The following ADAM32 variants were observed in gnomAD, a reference collection of about 807,000 sequenced individuals.
The protein encoded by ADAM32 is disintegrin and metalloproteinase domain-containing protein 32.
ADAM32 carries 89 observed loss-of-function variants against 114.9 expected under a neutral mutation model. The ratio of observed to expected loss-of-function variants is 0.77; its 90% CI spans 0.65 to 0.92. ADAM32 has a LOEUF of 0.92. Ranked by LOEUF, ADAM32 falls within the 40% of genes least tolerant of loss-of-function variation. ADAM32 has a pLI of 0.00. For missense variants in ADAM32, 870 were observed against 932.8 expected (o/e 0.93, Z 0.88); for synonymous variants, 285 against 307.5 (o/e 0.93, Z 0.77).
chr8:39,194,858 A>G (rs1806857168), intron 11 of ADAM32, among the ~76,000 whole-genome samples: 1 of 152,062 alleles, frequency 6.6e-6, no homozygotes, highest in Non-Finnish European at 1.5e-5. Flanking sequence ...ATGCTCTACT[A>G]CTGACACTCC....
At chr8:39,130,652 A>C (rs1028788542) in intron 2 of ADAM32, among the ~76,000 whole-genome samples, 1 of 151,994 alleles carries the variant, frequency 6.6e-6, no homozygotes, top group Non-Finnish European at 1.5e-5. Flanking sequence ...TTTTTGATTC[A>C]TGGGTTATTT....
At chr8:39,116,175 TCTTG>T (rs1840365941) in intron 1 of ADAM32, among the ~76,000 whole-genome samples, 1 of 152,214 alleles carries the variant, frequency 6.6e-6, no homozygotes, top group African/African-American at 2.4e-5. Flanking sequence ...GTGTGAGACC[TCTTG>T]CTTTCTTCTT....
intron 13 of ADAM32, 63 bp downstream of exon 13, chr8:39,221,765 A>G: frequency 8.9e-7 from 1 of 1,124,172 alleles, no homozygotes; most frequent in Non-Finnish European, 1.3e-6. Flanking sequence ...GGTACTTTAC[A>G]ACACAGACCT....
In ADAM32 at chr8:39,233,938, T is replaced by C. The variant is rs1418456631; in HGVS notation, c.1674T>C (p.Thr558=). ...ICGRLVCTYP[T]RKPFHQENGD... ...GAAGATTAGTTTGTACCTACCCTAC[T>C]CGAAAGCCTTTCCATCAAGAAAATG... Residue 558 remains threonine, a synonymous_variant, in exon 16 of 25, where the codon ACT becomes ACC. Transcript: ENST00000379907. 1 of 1,590,848 alleles carries C rather than the reference T, an allele frequency of 6.3e-7. No individual in the cohort carries two copies. The highest frequency in any genetic ancestry group is 8.6e-7 in the Non-Finnish European group (1 of 1,167,860).
At chr8:39,231,169 C>T (rs1382733341) in intron 14 of ADAM32, among the ~76,000 whole-genome samples, 2 of 152,130 alleles carry the variant, frequency 1.3e-5, no homozygotes, top group Non-Finnish European at 2.9e-5. Flanking sequence ...GCTCTGAGTG[C>T]ACCTGAACTA....
intron 16 of ADAM32, among the ~76,000 whole-genome samples, chr8:39,244,962 C>T (rs1810808798): frequency 6.6e-6 from 1 of 152,034 alleles, no homozygotes; most frequent in Non-Finnish European, 1.5e-5. Flanking sequence ...AGTTCATGAA[C>T]AAGAACCCAA....
intron 14 of ADAM32, 103 bp downstream of exon 14, chr8:39,223,341 A>G (rs962327978): frequency 7.5e-6 from 5 of 663,866 alleles, no homozygotes; most frequent in Admixed American, 4.3e-5. Context: ...AATGTTTTAT[A>G]TAGTATAAAA....
intron 11 of ADAM32, among the ~76,000 whole-genome samples, chr8:39,204,468 G>A (rs1807675553): frequency 6.6e-6 from 1 of 152,164 alleles, no homozygotes; most frequent in Admixed American, 6.5e-5. Context: ...TCGTGCCATG[G>A]TTTTCAGCTC....
Position 39,233,760 on chromosome 8 carries a change from C to A in ADAM32, c.1635-139C>A, listed in dbSNP as rs146645614. 1.7e-5 allele frequency: 9 copies of A among 527,404 alleles called. No individual in the cohort carries two copies. In the East Asian group the frequency reaches 2.4e-4, roughly 14 times the overall value. The allele number at this position is 527,404 out of a possible 1,614,324, so 32.7% of individuals were successfully genotyped here. Reference sequence around the variant, plus strand: ...ACTTTTTTTACTTTTTACTTTGTTACCGTGAAAACATTAACGTTTTCTGTA... The same window carrying A: ...ACTTTTTTTACTTTTTACTTTGTTAACGTGAAAACATTAACGTTTTCTGTA... On this transcript the variant is annotated intron_variant, in intron 15 of 24. Transcript: ENST00000379907.
chr8:39,257,056 A>G (rs1052278789), intron 18 of ADAM32, 131 bp from the exon 19 acceptor site: 136 of 988,620 alleles, frequency 1.4e-4, no homozygotes, highest in Non-Finnish European at 1.1e-4. Flanking sequence ...TTACAATTCT[A>G]TAATGATTTT....
intron 9 of ADAM32, chr8:39,169,650 C>T (rs993165154): frequency 3.8e-6 from 1 of 261,218 alleles, no homozygotes; most frequent in African/African-American, 2.2e-5. Flanking sequence ...GCAAACATAG[C>T]CAGATGTGAT....
intron 14 of ADAM32, among the ~76,000 whole-genome samples, chr8:39,229,737 A>G (rs570000548): frequency 1.6e-4 from 25 of 152,302 alleles, no homozygotes; most frequent in African/African-American, 6.0e-4. Flanking sequence ...GATAGACAAC[A>G]ACATAATAAT....
chr8:39,162,684 A>C (rs1417794384), intron 7 of ADAM32, among the ~76,000 whole-genome samples: 2 of 151,032 alleles, frequency 1.3e-5, no homozygotes, highest in Non-Finnish European at 3.0e-5. Context: ...TTATGTTCTT[A>C]TACATTTTTA....
intron 16 of ADAM32, among the ~76,000 whole-genome samples, chr8:39,237,272 G>A (rs571307797): frequency 9.8e-5 from 15 of 152,322 alleles, no homozygotes; most frequent in African/African-American, 2.9e-4. Flanking sequence ...GGGGAGGACA[G>A]CCAGTGGAAT....
intron 17 of ADAM32, among the ~76,000 whole-genome samples, chr8:39,250,735 C>G (rs777737122): frequency 2.6e-5 from 4 of 151,866 alleles, no homozygotes; most frequent in African/African-American, 2.4e-5. Flanking sequence ...ATTTTAAACT[C>G]TGGTCATCCT....
intron 3 of ADAM32, among the ~76,000 whole-genome samples, chr8:39,143,395 T>G (rs1803297701): frequency 6.6e-6 from 1 of 152,168 alleles, no homozygotes; most frequent in Non-Finnish European, 1.5e-5. Context: ...GGGGTTTTGG[T>G]GTGGATGTCC....
chr8:39,114,746 G>A (rs1840306468), intron 1 of ADAM32, among the ~76,000 whole-genome samples: 1 of 152,112 alleles, frequency 6.6e-6, no homozygotes, highest in Non-Finnish European at 1.5e-5. Flanking sequence ...AGGTTTGGAG[G>A]TACATGTGCA....
intron 15 of ADAM32, among the ~76,000 whole-genome samples, chr8:39,233,362 G>A (rs1809873790): frequency 6.6e-6 from 1 of 152,256 alleles, no homozygotes; most frequent in South Asian, 2.1e-4. Flanking sequence ...AGACCATATC[G>A]GGTAACTTCT....
At chr8:39,196,547 A>G (rs532424361) in intron 11 of ADAM32, among the ~76,000 whole-genome samples, 2 of 152,200 alleles carry the variant, frequency 1.3e-5, no homozygotes, top group South Asian at 4.1e-4. Flanking sequence ...TCATGAAGCC[A>G]TGTTGAAATT....
Sources: gnomAD v4.1 joint callset for allele counts (sites outside exome capture counted in the v4.1 genomes callset) on GRCh38, gnomAD v4.1.1 for gene constraint, MANE v1.5 for transcripts, NCBI Gene and HGNC (gene_info 2026-07-23, HGNC 2026-07-21) for gene names.